CSMD2: variants seen among roughly 807,000 people sequenced by gnomAD.
The protein encoded by CSMD2 is CUB and Sushi multiple domains 2.
In CSMD2, 130 loss-of-function variants were observed where a neutral mutation model predicts 398.5. That is an observed-to-expected ratio of 0.33 (90% CI 0.28 to 0.38). The LOEUF is 0.38. Ranked by LOEUF, CSMD2 falls within the 10% of genes least tolerant of loss-of-function variation. CSMD2 has a pLI of 1.00. For missense variants in CSMD2, 3,829 were observed against 4,764.9 expected, an observed-to-expected ratio of 0.80 and a Z score of 5.78; for synonymous variants, 1,828 against 1,908.5, an observed-to-expected ratio of 0.96 and a Z score of 1.10.
intron 3 of CSMD2, among the ~76,000 whole-genome samples, chr1:33,989,925 T>C (rs996419627): frequency 3.3e-5 from 5 of 152,170 alleles, no homozygotes; most frequent in African/African-American, 4.8e-5. Context: ...GGTAGCTAGA[T>C]GGATGCATGA....
At chr1:33,876,612 A>C (rs1306026818) in intron 5 of CSMD2, among the ~76,000 whole-genome samples, 1 of 152,188 alleles carries the variant, frequency 6.6e-6, no homozygotes, top group Non-Finnish European at 1.5e-5. Context: ...GAGAAGATGG[A>C]GACACAGAGA....
chr1:33,735,667 A>C (rs914683703), intron 15 of CSMD2, among the ~76,000 whole-genome samples: 7 of 152,200 alleles, frequency 4.6e-5, no homozygotes, highest in African/African-American at 1.7e-4. Context: ...TCCTCCAGAT[A>C]ATCATCCTTC....
chr1:34,058,032 C>T (rs1654052977), intron 2 of CSMD2, among the ~76,000 whole-genome samples: 2 of 152,012 alleles, frequency 1.3e-5, no homozygotes, highest in Admixed American at 1.3e-4. Flanking sequence ...GGAGTAGGGG[C>T]GTGGGACGAG....
At chr1:33,606,914 A>G (rs550684217) in intron 41 of CSMD2, among the ~76,000 whole-genome samples, 1 of 152,332 alleles carries the variant, frequency 6.6e-6, no homozygotes, top group Non-Finnish European at 1.5e-5. Context: ...GGTTGGCCAT[A>G]TAAGGCAGAA....
chr1:33,614,626 A>T lies in CSMD2; in HGVS notation c.6017-6T>A, dbSNP rs183132394. On this transcript the variant is annotated splice_polypyrimidine_tract_variant and splice_region_variant and intron_variant, in intron 39 of 70. Coordinates refer to ENST00000373381, the MANE Select transcript of CSMD2 (RefSeq NM_001281956.2). ...CACTGTTCCCCCACACTGTGCTGTG[A>T]CAATGAGATGAGACAGAGGGTCAGG... 2.6e-3 allele frequency: 4,001 copies of T among 1,542,174 alleles called. 8 individuals are homozygous for T. The highest frequency in any genetic ancestry group is 3.0e-3 in the Non-Finnish European group (3,312 of 1,114,924).
chr1:33,525,567 G>A (rs563849508), intron 65 of CSMD2, among the ~76,000 whole-genome samples: 1 of 152,332 alleles, frequency 6.6e-6, no homozygotes, highest in African/African-American at 2.4e-5. Flanking sequence ...GGGTGATGGG[G>A]AGATGGTCAA....
chr1:34,126,114 C>G (rs536304438), intron 1 of CSMD2, among the ~76,000 whole-genome samples: 17 of 152,372 alleles, frequency 1.1e-4, no homozygotes, highest in African/African-American at 4.1e-4. Context: ...ACAGCAGTAG[C>G]TGGGTTGGAG....
chr1:33,724,418 G>C lies in CSMD2; in HGVS notation c.2884+98C>G, dbSNP rs761018437. 137 of 1,527,324 alleles carry C rather than the reference G, an allele frequency of 9.0e-5. 1 individual carries two copies. The highest frequency in any genetic ancestry group is 1.2e-4 in the Non-Finnish European group (134 of 1,112,908). 94.6% of individuals were successfully genotyped at this position (1,527,324 alleles called of 1,614,324 possible). On this transcript the variant is annotated intron_variant, in intron 18 of 70. Coordinates refer to ENST00000373381, the MANE Select transcript of CSMD2 (RefSeq NM_001281956.2). ...CCCATCTCTCGAAAGCCCAACCTTC[G>C]CTGATGGGGTGAGGGAGTCAGTGGT... is the stretch of plus-strand genomic sequence containing the variant.
At chr1:34,084,623 G>A (rs1437217434) in intron 2 of CSMD2, among the ~76,000 whole-genome samples, 1 of 152,070 alleles carries the variant, frequency 6.6e-6, no homozygotes, top group Non-Finnish European at 1.5e-5. Flanking sequence ...AAAGACACAT[G>A]AAAAAATGCT....
chr1:33,787,525 T>C (rs917764578), intron 12 of CSMD2, among the ~76,000 whole-genome samples: 29 of 152,198 alleles, frequency 1.9e-4, no homozygotes, highest in Admixed American at 5.9e-4. Flanking sequence ...TGAAAAGATG[T>C]CTGCTCCCTT....
intron 4 of CSMD2, among the ~76,000 whole-genome samples, chr1:33,921,763 T>C (rs981506901): frequency 1.3e-5 from 2 of 152,192 alleles, no homozygotes; most frequent in Non-Finnish European, 2.9e-5. Flanking sequence ...AGGGGAGTCA[T>C]GGTAGGTGTG....
At chr1:33,630,646 A>C (rs1157078825) in intron 32 of CSMD2, among the ~76,000 whole-genome samples, 1 of 151,658 alleles carries the variant, frequency 6.6e-6, no homozygotes, top group African/African-American at 2.4e-5. Flanking sequence ...CTAAAAAAAA[A>C]GGTCCTTGGC....
At chr1:33,982,932 G>C (rs1286174614) in intron 3 of CSMD2, among the ~76,000 whole-genome samples, 1 of 152,202 alleles carries the variant, frequency 6.6e-6, no homozygotes, top group Non-Finnish European at 1.5e-5. Context: ...AGGGATGGCA[G>C]GGCTAGGAGC....
rs531766829 is a variant in CSMD2 at position 34,055,231 on chromosome 1, TCA to T, written c.405-22527_405-22526del. ...AAAACAAACTGTTTTTCCTCTGCTCTCACTCTACGACAATCAACACAGAATAC... is the reference window on the plus strand; with the variant it reads ...AAAACAAACTGTTTTTCCTCTGCTCTCTCTACGACAATCAACACAGAATAC... On this transcript the variant is annotated intron_variant, in intron 2 of 70. Coordinates refer to ENST00000373381, the MANE Select transcript of CSMD2 (RefSeq NM_001281956.2). Among the ~76,000 whole-genome samples, 24 of 152,304 alleles carry T rather than the reference TCA, an allele frequency of 1.6e-4. No individual in the cohort carries two copies. In the East Asian group the frequency reaches 4.6e-3, roughly 29 times the overall value.
At chr1:33,936,882 T>C (rs909915107) in intron 3 of CSMD2, among the ~76,000 whole-genome samples, 2 of 152,178 alleles carry the variant, frequency 1.3e-5, no homozygotes, top group African/African-American at 2.4e-5. Flanking sequence ...ACCGTTTAAG[T>C]ACCTCTCCAT....
chr1:34,029,123 C>T (rs558352345), intron 3 of CSMD2, among the ~76,000 whole-genome samples: 2 of 152,262 alleles, frequency 1.3e-5, no homozygotes, highest in African/African-American at 2.4e-5. Flanking sequence ...TCATGAATAG[C>T]GAATATAAGG....
chr1:34,133,726 T>A (rs1638401729), intron 1 of CSMD2, among the ~76,000 whole-genome samples: 1 of 151,980 alleles, frequency 6.6e-6, no homozygotes, highest in Non-Finnish European at 1.5e-5. Flanking sequence ...CCATAGTACA[T>A]CTTGCTACTT....
chr1:33,936,977 G>A (rs914790703), intron 3 of CSMD2, among the ~76,000 whole-genome samples: 9 of 152,202 alleles, frequency 5.9e-5, no homozygotes, highest in African/African-American at 1.4e-4. Flanking sequence ...GGAAGCCACC[G>A]TGCTTGAGTT....
intron 3 of CSMD2, among the ~76,000 whole-genome samples, chr1:33,991,833 C>T (rs1185180386): frequency 6.6e-6 from 1 of 150,956 alleles, no homozygotes; most frequent in African/African-American, 2.4e-5. Flanking sequence ...TAATGGACAA[C>T]ACAGTGATAC....
Sources: gnomAD v4.1 joint callset for allele counts (sites outside exome capture counted in the v4.1 genomes callset) on GRCh38, gnomAD v4.1.1 for gene constraint, MANE v1.5 for transcripts, NCBI Gene and HGNC (gene_info 2026-07-23, HGNC 2026-07-21) for gene names.